Variants in LTBP1 observed in about 807,000 individuals in gnomAD.
LTBP1 encodes latent-transforming growth factor beta-binding protein 1.
Under a neutral mutation model 207.6 loss-of-function variants are expected in LTBP1, and 129 were observed. The observed-to-expected ratio is 0.62, with a 90% CI of 0.54 to 0.72. LTBP1 has a LOEUF of 0.72. LTBP1 is among the 30% of genes least tolerant of loss of function. LTBP1 has a pLI of 0.00. For missense variants in LTBP1, 2,281 were observed against 2,217.2 expected (o/e 1.03, Z -0.58); for synonymous variants, 963 against 833.7 (o/e 1.16, Z -2.67).
At chr2:33,120,302 T>A (rs545615659) in intron 4 of LTBP1, among the ~76,000 whole-genome samples, 1 of 152,090 alleles carries the variant, frequency 6.6e-6, no homozygotes, top group African/African-American at 2.4e-5. Context: ...TTAAGCCCAG[T>A]ACCGTAGTTA....
At chr2:33,084,493 A>G (rs2078633905) in intron 3 of LTBP1, among the ~76,000 whole-genome samples, 1 of 152,128 alleles carries the variant, frequency 6.6e-6, no homozygotes, top group African/African-American at 2.4e-5. Context: ...GGGTGATAGC[A>G]GTCACTGGGC....
intron 10 of LTBP1, among the ~76,000 whole-genome samples, chr2:33,248,773 G>C (rs1186995284): frequency 6.6e-6 from 1 of 152,038 alleles, no homozygotes; most frequent in Non-Finnish European, 1.5e-5. Context: ...TTTTAGTAGA[G>C]ATGGGGTTTC....
intron 15 of LTBP1, among the ~76,000 whole-genome samples, chr2:33,270,053 A>T (rs1479826465): frequency 6.7e-6 from 1 of 149,110 alleles, no homozygotes; most frequent in Non-Finnish European, 1.5e-5. Context: ...AATAGCTGGG[A>T]CTACAGGTGC....
intron 24 of LTBP1, among the ~76,000 whole-genome samples, chr2:33,326,614 C>T (rs2149410480): frequency 7.8e-6 from 1 of 128,000 alleles, no homozygotes; most frequent in South Asian, 2.5e-4. Context: ...TCTTCAAAGC[C>T]TACTGAAAAT....
At chr2:33,228,218 TA>T (rs950561739) in intron 9 of LTBP1, among the ~76,000 whole-genome samples, 6 of 152,222 alleles carry the variant, frequency 3.9e-5, no homozygotes, top group Non-Finnish European at 5.9e-5. Flanking sequence ...CCAGAAGTCA[TA>T]AACTTATAAA....
chr2:33,260,838 C>T (rs980751173), intron 13 of LTBP1, among the ~76,000 whole-genome samples: 13 of 152,142 alleles, frequency 8.5e-5, no homozygotes, highest in Non-Finnish European at 1.5e-4. Flanking sequence ...AGCCTCATCA[C>T]GACTCAGTTC....
rs1312512777 is a variant in LTBP1 at position 33,243,009 on chromosome 2, C to T, written c.1877-653C>T. ...TTTTCCAGCCAGTGGTTTGACTCAT[C>T]ATTTCCTGAGCCTCCATCCACTGGC... On this transcript the variant is annotated intron_variant, in intron 9 of 33. Transcript: ENST00000404816. Among the ~76,000 whole-genome samples the T allele has an allele frequency of 2.0e-5, 3 of 152,172 alleles. No individual in the cohort carries two copies. In the East Asian group the frequency reaches 5.8e-4, roughly 29 times the overall value.
intron 2 of LTBP1, among the ~76,000 whole-genome samples, chr2:32,981,767 C>G (rs1358709433): frequency 1.3e-5 from 2 of 152,254 alleles, no homozygotes; most frequent in South Asian, 2.1e-4. Context: ...GTGAAAAAGT[C>G]TCACAAGATC....
intron 5 of LTBP1, among the ~76,000 whole-genome samples, chr2:33,155,828 G>C (rs7571401): frequency 0.56 from 85,489 of 152,072 alleles, 24,201 homozygotes; most frequent in Middle Eastern, 0.65. Flanking sequence ...CTGCTTCTCA[G>C]TTCATACAAT....
At chr2:33,089,992 T>A (rs186299251) in intron 3 of LTBP1, among the ~76,000 whole-genome samples, 94 of 152,262 alleles carry the variant, frequency 6.2e-4, no homozygotes, top group African/African-American at 2.2e-3. Flanking sequence ...ATTTGATGAG[T>A]TTGCTGATAT....
chr2:32,998,969 T>C (rs772673552), intron 2 of LTBP1, among the ~76,000 whole-genome samples: 3 of 152,366 alleles, frequency 2.0e-5, no homozygotes, highest in Non-Finnish European at 4.4e-5. Context: ...TAAAAGGTAG[T>C]TCCTGGACCA....
rs888250890 is a variant in LTBP1 at position 33,257,513 on chromosome 2, T to G, written c.2395+2T>G. On this transcript the variant is annotated splice_donor_variant, in intron 12 of 33. Transcript: ENST00000404816. LOFTEE classifies it high-confidence loss of function. ...GGCCAGGAGTGGCGGAGCCAGAAGG[T>G]GAGAGCGGTAATGGATCATGGACTC... The G allele has an allele frequency of 6.2e-7, 1 of 1,612,790 alleles. No homozygotes were observed. The highest frequency in any genetic ancestry group is 1.1e-5 in the South Asian group (1 of 91,052).
At chr2:33,144,925 T>A (rs913089571) in intron 5 of LTBP1, among the ~76,000 whole-genome samples, 2 of 152,246 alleles carry the variant, frequency 1.3e-5, no homozygotes, top group African/African-American at 4.8e-5. Flanking sequence ...AAAATGTTTT[T>A]GAGGTCAGCC....
intron 3 of LTBP1, among the ~76,000 whole-genome samples, chr2:33,076,292 T>G (rs559415615): frequency 3.2e-4 from 48 of 152,222 alleles, no homozygotes; most frequent in African/African-American, 1.2e-3. Flanking sequence ...TATGTACTTG[T>G]GAGACTTTAG....
At chr2:33,038,550 A>G (rs997870221) in intron 3 of LTBP1, among the ~76,000 whole-genome samples, 1 of 152,210 alleles carries the variant, frequency 6.6e-6, no homozygotes, top group African/African-American at 2.4e-5. Context: ...CTTTCTTGAC[A>G]TCTCAGCCAT....
intron 3 of LTBP1, among the ~76,000 whole-genome samples, chr2:33,068,149 G>T (rs1173955225): frequency 8.9e-6 from 1 of 111,784 alleles, no homozygotes; most frequent in African/African-American, 3.5e-5. Flanking sequence ...AGTAACATTT[G>T]CGATTCTTTT....
In LTBP1 at chr2:33,274,857, T is replaced by C; in HGVS notation, c.2744-108T>C. 8 of 1,051,762 alleles carry C rather than the reference T, an allele frequency of 7.6e-6. 1 individual carries two copies. In the South Asian group the frequency reaches 9.9e-5, roughly 13 times the overall value. The allele number at this position is 1,051,762 out of a possible 1,614,324, so 65.2% of individuals were successfully genotyped here. The stretch of plus-strand genomic sequence containing the variant: ...CTCCTTTTGCTGTTGTCCTCAGTTA[T>C]AAAGGTTGGGTGGTACCCAGGGAAT... On this transcript the variant is annotated intron_variant, in intron 16 of 33. Coordinates refer to ENST00000404816, the MANE Select transcript of LTBP1 (RefSeq NM_206943.4).
rs115036383 is a variant in LTBP1 at position 33,024,601 on chromosome 2, C to A, written c.863+3395C>A. On this transcript the variant is annotated intron_variant, in intron 3 of 33. Coordinates refer to ENST00000404816, the MANE Select transcript of LTBP1 (RefSeq NM_206943.4). ...TTAGAACCAAATACAAATAAAGTTC[C>A]TTAGGAAATCAAAGGAAAGAGCAGT... is the stretch of plus-strand genomic sequence containing the variant. Among the ~76,000 whole-genome samples, 1,274 of 152,256 alleles carry A rather than the reference C, an allele frequency of 8.4e-3. 8 individuals are homozygous for A. Among genetic ancestry groups the A allele is most frequent in the South Asian group, 0.015 (74 of 4,826 alleles).
chr2:33,119,779 T>G (rs182442095), intron 4 of LTBP1, among the ~76,000 whole-genome samples: 2 of 152,124 alleles, frequency 1.3e-5, no homozygotes, highest in South Asian at 2.1e-4. Context: ...AGGATGGTCT[T>G]GATCTCCCGA....
Sources: allele counts gnomAD v4.1 joint callset (sites outside exome capture counted in the v4.1 genomes callset), GRCh38; gene constraint gnomAD v4.1.1; transcripts MANE v1.5; gene names NCBI Gene and HGNC (gene_info 2026-07-23, HGNC 2026-07-21).